Variants in GPHN observed in about 807,000 individuals in gnomAD.
GPHN encodes gephyrin.
Under a neutral mutation model 95.5 loss-of-function variants are expected in GPHN, and 17 were observed. The observed-to-expected ratio is 0.18, with a 90% CI of 0.12 to 0.27. The LOEUF (loss-of-function observed/expected upper bound fraction) is 0.27. Among genes scored for constraint, GPHN ranks in the 10% least tolerant of loss-of-function variants. The probability of loss-of-function intolerance (pLI) is 1.00; values close to 1 mark genes in which losing one functional copy is unlikely to be tolerated. For missense variants in GPHN, 660 were observed against 978.1 expected, an observed-to-expected ratio of 0.67 and a Z score of 4.34; for synonymous variants, 320 against 322.5, an observed-to-expected ratio of 0.99 and a Z score of 0.08.
chr14:66,933,489 T>C (rs2066934186), intron 8 of GPHN, among the ~76,000 whole-genome samples: 1 of 152,216 alleles, frequency 6.6e-6, no homozygotes, highest in Non-Finnish European at 1.5e-5. Context: ...AAAGAAAAAT[T>C]ACAATTTCCC....
chr14:66,649,344 A>C (rs1595397669), intron 1 of GPHN, among the ~76,000 whole-genome samples: 1 of 151,876 alleles, frequency 6.6e-6, no homozygotes, highest in African/African-American at 2.4e-5. Flanking sequence ...TTAAAAAAAA[A>C]AACAAAAACA....
At chr14:67,059,084 A>G (rs1594975183) in intron 11 of GPHN, 1 of 494,780 alleles carries the variant, frequency 2.0e-6, no homozygotes, top group Non-Finnish European at 3.5e-6. Context: ...ACTGCAAACT[A>G]AAGAAAGGGT....
Position 67,150,259 on chromosome 14 carries a change from G to A in GPHN, c.1836+6810G>A, listed in dbSNP as rs182920076. On this transcript the variant is annotated intron_variant, in intron 18 of 22. Coordinates refer to ENST00000478722, the MANE Select transcript of GPHN (RefSeq NM_020806.5). ...AGATCGAGACCATCCCGGCTAAAACGGTGAAACCCCGTCTCTACTAAAACT... is the reference window on the plus strand; with the variant it reads ...AGATCGAGACCATCCCGGCTAAAACAGTGAAACCCCGTCTCTACTAAAACT... Among the ~76,000 whole-genome samples the A allele has an allele frequency of 6.4e-3, 964 of 151,286 alleles. 30 individuals are homozygous for A. The highest frequency in any genetic ancestry group is 0.047 in the Admixed American group (708 of 15,178).
the GPHN span, chr14:67,589,693 C>T: frequency 3.0e-6 from 3 of 994,652 alleles, no homozygotes; most frequent in Middle Eastern, 1.0e-3. Flanking sequence ...ACAAGGGGTA[C>T]TATTGGAAAA....
the GPHN span, among the ~76,000 whole-genome samples, chr14:67,666,255 G>A: frequency 6.6e-6 from 1 of 151,936 alleles, no homozygotes; most frequent in East Asian, 1.9e-4. Flanking sequence ...TTTGTTAATG[G>A]GTATGAAAAT....
chr14:67,504,492 G>A, the GPHN span, among the ~76,000 whole-genome samples: 1 of 151,974 alleles, frequency 6.6e-6, no homozygotes, highest in East Asian at 1.9e-4. Flanking sequence ...ATGTACTGTA[G>A]CCTTGTTCTA....
At chr14:67,589,287 A>C in the GPHN span, 1 of 936,292 alleles carries the variant, frequency 1.1e-6, no homozygotes, top group African/African-American at 1.8e-5. Context: ...CTTATACAGA[A>C]GAAACTAACT....
intron 6 of GPHN, among the ~76,000 whole-genome samples, chr14:66,920,455 T>C (rs1254335592): frequency 6.6e-6 from 1 of 152,070 alleles, no homozygotes; most frequent in East Asian, 1.9e-4. Context: ...TTCCTATCTT[T>C]CCTGTCTTTC....
chr14:66,607,449 G>C (rs2062587465), intron 1 of GPHN, among the ~76,000 whole-genome samples: 1 of 151,546 alleles, frequency 6.6e-6, no homozygotes, highest in South Asian at 2.1e-4. Flanking sequence ...ATATTGGCCT[G>C]AAGTTTTCTT....
intron 1 of GPHN, chr14:66,509,034 C>T: frequency 4.3e-6 from 1 of 231,616 alleles, no homozygotes; most frequent in Non-Finnish European, 8.6e-6. Flanking sequence ...TCCTTCCCTT[C>T]CCCCCACCTG....
chr14:67,256,135 T>C, the GPHN span, among the ~76,000 whole-genome samples: 3 of 152,234 alleles, frequency 2.0e-5, no homozygotes, highest in East Asian at 5.8e-4. Flanking sequence ...CCAAATAGTA[T>C]AGAAGTGGAA....
intron 2 of GPHN, among the ~76,000 whole-genome samples, chr14:66,714,460 C>G (rs2069972257): frequency 6.6e-6 from 1 of 152,158 alleles, no homozygotes; most frequent in African/African-American, 2.4e-5. Flanking sequence ...ATTTTGACTT[C>G]CTCTTCAACT....
At chr14:66,997,366 TAAAAAAAAA>T (rs34315684) in intron 9 of GPHN, among the ~76,000 whole-genome samples, 3 of 123,984 alleles carry the variant, frequency 2.4e-5, no homozygotes, top group Admixed American at 1.6e-4. Flanking sequence ...GACTTCGTCT[TAAAAAAAAA>T]AAAAAAAAAA....
chr14:66,810,578 TATA>T (rs2060720754), intron 3 of GPHN, among the ~76,000 whole-genome samples: 2 of 152,126 alleles, frequency 1.3e-5, no homozygotes, highest in African/African-American at 4.8e-5. Flanking sequence ...CTTACTAATA[TATA>T]ATATTAATAT....
At chr14:66,946,812 G>A (rs2067786794) in intron 8 of GPHN, among the ~76,000 whole-genome samples, 1 of 152,142 alleles carries the variant, frequency 6.6e-6, no homozygotes, top group Non-Finnish European at 1.5e-5. Context: ...AAGAAATCCT[G>A]TGAGACTTAT....
At chr14:66,647,181 C>T (rs923750870) in intron 1 of GPHN, among the ~76,000 whole-genome samples, 1 of 151,270 alleles carries the variant, frequency 6.6e-6, no homozygotes, top group African/African-American at 2.4e-5. Flanking sequence ...TCTGGGATTA[C>T]AGGCATAAGC....
the GPHN span, among the ~76,000 whole-genome samples, chr14:67,622,151 T>C: frequency 6.6e-6 from 1 of 152,204 alleles, no homozygotes; most frequent in Non-Finnish European, 1.5e-5. Flanking sequence ...TCTAAATGTT[T>C]CTAGACTCTG....
the GPHN span, among the ~76,000 whole-genome samples, chr14:67,665,375 A>G: frequency 6.0e-5 from 9 of 150,624 alleles, no homozygotes; most frequent in African/African-American, 2.2e-4. Context: ...CTGCTCAAGC[A>G]ATTCTCCTGC....
At chr14:67,358,910 A>T in the GPHN span, among the ~76,000 whole-genome samples, 39 of 152,114 alleles carry the variant, frequency 2.6e-4, no homozygotes, top group African/African-American at 9.4e-4. Context: ...TTCAAGAAAT[A>T]TTTTTTTGTG....
Sources: gnomAD v4.1 joint callset for allele counts (sites outside exome capture counted in the v4.1 genomes callset) on GRCh38, gnomAD v4.1.1 for gene constraint, MANE v1.5 for transcripts, NCBI Gene and HGNC (gene_info 2026-07-23, HGNC 2026-07-21) for gene names.